The following P2RY11 variants were observed in gnomAD, a reference collection of about 807,000 sequenced individuals.
P2RY11 encodes the protein P2Y purinoceptor 11.
A neutral mutation model predicts 2.4 loss-of-function variants in P2RY11; 3 were observed. The ratio of observed to expected loss-of-function variants is 1.22; its 90% CI spans 0.56 to 3.17. P2RY11 has a LOEUF of 3.17. P2RY11 is among the 30% of genes most tolerant of loss of function. P2RY11 has a pLI of 0.03. For missense variants in P2RY11, 670 were observed against 528.2 expected, an observed-to-expected ratio of 1.27 and a Z score of -2.63; for synonymous variants, 307 against 237.3, an observed-to-expected ratio of 1.29 and a Z score of -2.70.
In P2RY11 at chr19:10,111,771, G is replaced by A. The variant is rs1259741685; in HGVS notation, c.19+31G>A. 8 of 1,613,016 alleles carry A rather than the reference G, an allele frequency of 5.0e-6. No individual in the cohort carries two copies. In the East Asian group the frequency reaches 1.6e-4, roughly 31 times the overall value. ...GAGAAGGCATGTTGGCTGTCTCTGG[G>A]GGTCTGCAGATTGTCAGGAGGTGGG... On this transcript the variant is annotated intron_variant, in intron 1 of 1. Coordinates refer to ENST00000321826, the MANE Select transcript of P2RY11 (RefSeq NM_002566.5).
intron 1 of P2RY11, chr19:10,112,585 A>G (rs547075674): frequency 4.6e-5 from 7 of 152,548 alleles, no homozygotes; most frequent in African/African-American, 1.7e-4. Context: ...AACAGTGGTT[A>G]GGGTGGCCTT....
At position 10,114,456 on chromosome 19, in the gene P2RY11, C is replaced by G. The variant is rs571891803; in HGVS notation, c.843C>G (p.Arg281=). The change falls in exon 2 of 2, where the codon CGC becomes CGG. Residue 281 remains arginine (R), a synonymous_variant. Coordinates refer to ENST00000321826, the MANE Select transcript of P2RY11 (RefSeq NM_002566.5). The part of the protein sequence containing the change: ...NVDARRRWST[R]CPSFADIAQA... ...ATGCTCGGCGGCGCTGGAGCACCCG[C>G]TGCCCGAGCTTTGCAGACATAGCCC... is the stretch of plus-strand genomic sequence containing the variant. The G allele has an allele frequency of 1.2e-6, 2 of 1,611,914 alleles. No individual in the cohort carries two copies. The highest frequency in any genetic ancestry group is 4.5e-5 in the East Asian group (2 of 44,868).
rs201605455 is a variant in P2RY11 at position 10,111,768 on chromosome 19, T to G, written c.19+28T>G. On this transcript the variant is annotated intron_variant, in intron 1 of 1. Transcript: ENST00000321826. ...AAGGAGAAGGCATGTTGGCTGTCTC[T>G]GGGGGTCTGCAGATTGTCAGGAGGT... 2,201 of 1,612,676 alleles carry G rather than the reference T, an allele frequency of 1.4e-3. 2 individuals are homozygous for G. The highest frequency in any genetic ancestry group is 1.5e-3 in the Non-Finnish European group (1,822 of 1,179,454).
In P2RY11 at chr19:10,114,761, CCT is replaced by C. The variant is rs752971601; in HGVS notation, c.*25_*26del. The C allele has an allele frequency of 6.3e-7, 1 of 1,579,918 alleles. No individual in the cohort carries two copies. The highest frequency in any genetic ancestry group is 1.1e-5 in the South Asian group (1 of 86,962). Reference sequence around the variant, plus strand: ...TGATGTGGCCTAGCGGAAGCTGCCTCCTCACCCTAGGTGTTGCTGGAGAACCC... The same window carrying C: ...TGATGTGGCCTAGCGGAAGCTGCCTCCACCCTAGGTGTTGCTGGAGAACCC... On this transcript the variant is annotated 3_prime_UTR_variant, in exon 2 of 2. Transcript: ENST00000321826.
intron 1 of P2RY11, 151 bp downstream of exon 1, chr19:10,111,891 C>CACG (rs2089093613): frequency 1.2e-6 from 1 of 838,320 alleles, no homozygotes; most frequent in African/African-American, 1.7e-5. Context: ...GGGGGTGGAA[C>CACG]ACGAGGTCAG....
rs2089223363 is a variant in P2RY11, at chr19:10,115,346, CAATA to C, written c.*611_*614del. 3 of 1,203,188 alleles carry C rather than the reference CAATA, an allele frequency of 2.5e-6. No homozygotes were observed. The highest frequency in any genetic ancestry group is 1.5e-5 in the African/African-American group (1 of 65,276). 74.5% of individuals were successfully genotyped at this position (1,203,188 alleles called of 1,614,324 possible). Reference sequence around the variant, plus strand: ...CCCTCTGCCCGGTTTTGGAAAAAAACAATAAAGGACTGTCCCCTCAAAACCAGCC... The same window carrying C: ...CCCTCTGCCCGGTTTTGGAAAAAAACAAGGACTGTCCCCTCAAAACCAGCC... On this transcript the variant is annotated 3_prime_UTR_variant, in exon 2 of 2. Transcript: ENST00000321826.
In P2RY11 at chr19:10,115,175, CAAGACCCCAGACACCCAAG is replaced by C; in HGVS notation, c.*438_*456del. ...AGGTATAAGACTTCTGGGGGCACCC[CAAGACCCCAGACACCCAAG>C]TGGCATCTTGGGGGTGGGTGGGCAG... On this transcript the variant is annotated 3_prime_UTR_variant, in exon 2 of 2. Transcript: ENST00000321826. 6.2e-7 allele frequency: 1 copy of C among 1,609,030 alleles called. No individual in the cohort carries two copies. Among genetic ancestry groups the C allele is most frequent in the Non-Finnish European group, 8.5e-7 (1 of 1,177,646 alleles).
intron 1 of P2RY11, among the ~76,000 whole-genome samples, chr19:10,112,952 A>AC (rs926040439): frequency 6.6e-6 from 1 of 151,652 alleles, no homozygotes; most frequent in African/African-American, 2.4e-5. Flanking sequence ...CAAAAAAAAA[A>AC]GTCTGGGTGC....
In P2RY11 at chr19:10,114,491, C is replaced by G. The variant is rs2089197370; in HGVS notation, c.878C>G (p.Ala293Gly). 3.1e-6 allele frequency: 5 copies of G among 1,610,712 alleles called. No individual in the cohort carries two copies. The highest frequency in any genetic ancestry group is 4.2e-6 in the Non-Finnish European group (5 of 1,178,448). Residue 293 changes from alanine (A) to glycine (G), a missense_variant, in exon 2 of 2, where the codon GCA (alanine) becomes GGA (glycine). Transcript: ENST00000321826. The stretch of plus-strand genomic sequence containing the variant: ...TTTGCAGACATAGCCCAGGCCACAG[C>G]AGCCCTGGAGCTGGGGCCCTACGTG... Reference protein sequence around the residue: ...PSFADIAQATAALELGPYVGY... With the variant: ...PSFADIAQATGALELGPYVGY...
In P2RY11 at chr19:10,115,139, G is replaced by C. The variant is rs2089217933; in HGVS notation, c.*401G>C. On this transcript the variant is annotated 3_prime_UTR_variant, in exon 2 of 2. Coordinates refer to ENST00000321826, the MANE Select transcript of P2RY11 (RefSeq NM_002566.5). ...TTAGTTGGTGGACGGCCTGGGGTAG[G>C]GGAGGGTGGCAGGTATAAGACTTCT... The C allele has an allele frequency of 6.2e-7, 1 of 1,613,874 alleles. No individual in the cohort carries two copies. The highest frequency in any genetic ancestry group is 8.5e-7 in the Non-Finnish European group (1 of 1,179,990).
In P2RY11 at chr19:10,113,710, C is replaced by T. The variant is rs370806800; in HGVS notation, c.97C>T (p.Pro33Ser). 1.9e-6 allele frequency: 3 copies of T among 1,613,356 alleles called. No homozygotes were observed. The highest frequency in any genetic ancestry group is 2.5e-6 in the Non-Finnish European group (3 of 1,179,562). The change falls in exon 2 of 2, where the codon CCC becomes TCC. Residue 33 changes from proline to serine, a missense_variant. By Grantham distance (74) the Pro-to-Ser change is moderately conservative. Transcript: ENST00000321826. ...TGGGTTCCAGGGGGACTTCCTGTGGCCCATACTGGTGGTTGAGTTCCTGGT... is the reference window on the plus strand; with the variant it reads ...TGGGTTCCAGGGGGACTTCCTGTGGTCCATACTGGTGGTTGAGTTCCTGGT... ...LSGFQGDFLW[P>S]ILVVEFLVAV... is the part of the protein sequence containing the mutation.
At position 10,114,855 on chromosome 19, in the gene P2RY11, G is replaced by C. The variant is rs1353460389; in HGVS notation, c.*117G>C. ...AAGCAACACCTGTGCTTGCAGCCAG[G>C]TCAGGCCCAGCTGCAGCCCAGGCAG... On this transcript the variant is annotated 3_prime_UTR_variant, in exon 2 of 2. Transcript: ENST00000321826. 1.3e-6 allele frequency: 2 copies of C among 1,482,072 alleles called. No homozygotes were observed. The highest frequency in any genetic ancestry group is 1.4e-5 in the African/African-American group (1 of 71,348). 91.8% of individuals were successfully genotyped at this position (1,482,072 alleles called of 1,614,324 possible). A position where few individuals can be genotyped will look rare whatever the true frequency, so the allele number is the denominator to read the frequency against.
rs2089181883 is a variant in P2RY11, at chr19:10,113,969, T to C, written c.356T>C (p.Phe119Ser). The change falls in exon 2 of 2, where the codon TTC becomes TCC. Residue 119 changes from phenylalanine (F) to serine (S), a missense_variant. Phe to Ser is a radical substitution (Grantham distance 155). Transcript: ENST00000321826. The stretch of plus-strand genomic sequence containing the variant: ...TGCAACCTGCTGGGCAGCGTCATCT[T>C]CATCACCTGCATCAGCCTCAACCGC... Reference protein sequence around the residue: ...FTCNLLGSVIFITCISLNRYL... With the variant: ...FTCNLLGSVISITCISLNRYL... 1.9e-6 allele frequency: 3 copies of C among 1,601,650 alleles called. No homozygotes were observed. The highest frequency in any genetic ancestry group is 2.5e-6 in the Non-Finnish European group (3 of 1,179,842).
In P2RY11 at chr19:10,114,141, G is replaced by C; in HGVS notation, c.528G>C (p.Gly176=). ...SFSHLKRPQQ[G]AGNCSVARPE... is the part of the protein sequence containing the mutation. Reference sequence around the variant, plus strand: ...CCCACCTGAAGAGGCCGCAGCAGGGGGCGGGCAACTGCAGCGTGGCCAGGC... The same window carrying C: ...CCCACCTGAAGAGGCCGCAGCAGGGCGCGGGCAACTGCAGCGTGGCCAGGC... Residue 176 remains glycine (G), a synonymous_variant, in exon 2 of 2, where the codon GGG becomes GGC. Coordinates refer to ENST00000321826, the MANE Select transcript of P2RY11 (RefSeq NM_002566.5). The C allele has an allele frequency of 6.2e-7, 1 of 1,601,148 alleles. No individual in the cohort carries two copies. The highest frequency in any genetic ancestry group is 8.5e-7 in the Non-Finnish European group (1 of 1,179,622).
At chr19:10,112,960 T>C (rs1599318257) in intron 1 of P2RY11, among the ~76,000 whole-genome samples, 1 of 146,580 alleles carries the variant, frequency 6.8e-6, no homozygotes, top group East Asian at 2.0e-4. Flanking sequence ...AAAGTCTGGG[T>C]GCGAAGGTAC....
chr19:10,115,225 G>T lies in P2RY11; in HGVS notation c.*487G>T. The T allele has an allele frequency of 1.3e-6, 2 of 1,491,956 alleles. No individual in the cohort carries two copies. Among genetic ancestry groups the T allele is most frequent in the East Asian group, 2.3e-5 (1 of 43,438 alleles). 92.4% of individuals were successfully genotyped at this position (1,491,956 alleles called of 1,614,324 possible). A position where few individuals can be genotyped will look rare whatever the true frequency, so the allele number is the denominator to read the frequency against. On this transcript the variant is annotated 3_prime_UTR_variant, in exon 2 of 2. Transcript: ENST00000321826. ...TCTTGGGGGTGGGTGGGCAGAGGAC[G>T]GGGTAATGTGAGGACGAAGCGGGCA...
rs138457517 is a variant in P2RY11 at position 10,114,347 on chromosome 19, G to A, written c.734G>A (p.Arg245His). ...SPGMTVAEKLRVAALVASGVA... is the reference protein window; with the variant it reads ...SPGMTVAEKLHVAALVASGVA... ...GGCATGACTGTGGCCGAGAAGCTGC[G>A]TGTGGCAGCGTTGGTGGCCAGTGGT... Residue 245 changes from arginine to histidine, a missense_variant, in exon 2 of 2, where the codon CGT becomes CAT. Arg to His is a conservative substitution (Grantham distance 29). Coordinates refer to ENST00000321826, the MANE Select transcript of P2RY11 (RefSeq NM_002566.5). 1.2e-4 allele frequency: 196 copies of A among 1,602,812 alleles called. No individual in the cohort carries two copies. Among genetic ancestry groups the A allele is most frequent in the South Asian group, 2.0e-4 (18 of 91,022 alleles).
At position 10,115,342 on chromosome 19, in the gene P2RY11, AAAAC is replaced by A. The variant is rs1174245453; in HGVS notation, c.*607_*610del. On this transcript the variant is annotated 3_prime_UTR_variant, in exon 2 of 2. Coordinates refer to ENST00000321826, the MANE Select transcript of P2RY11 (RefSeq NM_002566.5). ...CCACCCCTCTGCCCGGTTTTGGAAA[AAAAC>A]AATAAAGGACTGTCCCCTCAAAACC... is the stretch of plus-strand genomic sequence containing the variant. 2.8e-5 allele frequency: 34 copies of A among 1,199,976 alleles called. No individual in the cohort carries two copies. Among genetic ancestry groups the A allele is most frequent in the Admixed American group, 5.5e-5 (2 of 36,398 alleles). 74.3% of individuals were successfully genotyped at this position (1,199,976 alleles called of 1,614,324 possible).
chr19:10,113,201 C>T (rs62106214), intron 1 of P2RY11, among the ~76,000 whole-genome samples: 59 of 152,216 alleles, frequency 3.9e-4, no homozygotes, highest in Non-Finnish European at 7.5e-4. Flanking sequence ...CTGGTGGCCA[C>T]GGGGAGAAGA....
Sources: allele counts gnomAD v4.1 joint callset (sites outside exome capture counted in the v4.1 genomes callset), GRCh38; gene constraint gnomAD v4.1.1; transcripts MANE v1.5; gene names NCBI Gene and HGNC (gene_info 2026-07-23, HGNC 2026-07-21).